Variants in KIAA0586 observed in about 807,000 individuals in gnomAD.
KIAA0586 encodes the protein protein TALPID3.
A neutral mutation model predicts 169.8 loss-of-function variants in KIAA0586; 144 were observed. That is an observed-to-expected ratio of 0.85 (90% confidence interval 0.74 to 0.97). The LOEUF (loss-of-function observed/expected upper bound fraction) is 0.97, where lower values mean the gene tolerates loss of function less well. KIAA0586 is among the 50% of genes least tolerant of loss of function. The pLI, the probability that KIAA0586 is intolerant of heterozygous loss-of-function variation, is 0.00. For synonymous variants in KIAA0586, 625 were observed against 612.4 expected, an observed-to-expected ratio of 1.02 and a Z score of -0.30; for missense variants, 1,854 against 1,823.0, an observed-to-expected ratio of 1.02 and a Z score of -0.31.
At chr14:58,440,703 A>C (rs1298560523) in intron 4 of KIAA0586, among the ~76,000 whole-genome samples, 1 of 152,238 alleles carries the variant, frequency 6.6e-6, no homozygotes. Context: ...TGGTGTTATC[A>C]ATCCCTCTTG....
rs2140853060 is a variant in KIAA0586 at position 58,458,459 on chromosome 14, T to C, written c.1584-14T>C. ...AAGTGCTAATTTAAGAAAATTCCTT[T>C]TTCTCTTTTATAGAGAGATGTCAGA... On this transcript the variant is annotated splice_polypyrimidine_tract_variant and intron_variant, in intron 11 of 30. Transcript: ENST00000652326. 1.4e-6 allele frequency: 2 copies of C among 1,465,136 alleles called. No homozygotes were observed. Among genetic ancestry groups the C allele is most frequent in the Non-Finnish European group, 9.3e-7 (1 of 1,072,598 alleles). 90.8% of individuals were successfully genotyped at this position (1,465,136 alleles called of 1,614,324 possible).
chr14:58,552,370 C>G (rs189331959), downstream of KIAA0586, among the ~76,000 whole-genome samples: 3 of 152,068 alleles, frequency 2.0e-5, no homozygotes, highest in African/African-American at 7.2e-5. Context: ...TTCTTCTTGT[C>G]CTGAAGTGTT....
At position 58,487,005 on chromosome 14, in the gene KIAA0586, A is replaced by G; in HGVS notation, c.3145-2A>G. 2 of 1,590,854 alleles carry G rather than the reference A, an allele frequency of 1.3e-6. No individual in the cohort carries two copies. Among genetic ancestry groups the G allele is most frequent in the Admixed American group, 1.8e-5 (1 of 54,214 alleles). On this transcript the variant is annotated splice_acceptor_variant, in intron 21 of 30. Coordinates refer to ENST00000652326, the MANE Select transcript of KIAA0586 (RefSeq NM_001329943.3). LOFTEE classifies it high-confidence loss of function. The stretch of plus-strand genomic sequence containing the variant: ...CAGTTTATCTTGTTTTATTTATTTT[A>G]GGCAAGAGTGTGCACCCCACTGCCT...
intron 29 of KIAA0586, chr14:58,520,877 T>G (rs892894200): frequency 6.2e-6 from 1 of 162,106 alleles, no homozygotes; most frequent in African/African-American, 2.4e-5. Context: ...ATTACTTTAT[T>G]TTTTTTTGTA....
At chr14:58,464,048 T>C (rs1288239441) in intron 14 of KIAA0586, 4 of 440,248 alleles carry the variant, frequency 9.1e-6, no homozygotes, top group Admixed American at 5.4e-5. Context: ...ATTGGGAGAA[T>C]TGATGATATG....
At chr14:58,511,109 A>T (rs2044353644) in intron 28 of KIAA0586, among the ~76,000 whole-genome samples, 3 of 152,162 alleles carry the variant, frequency 2.0e-5, no homozygotes, top group Admixed American at 2.0e-4. Flanking sequence ...GGACACTTTA[A>T]ATATGTGCAG....
At chr14:58,514,962 A>G (rs373832312) in intron 29 of KIAA0586, among the ~76,000 whole-genome samples, 1 of 152,180 alleles carries the variant, frequency 6.6e-6, no homozygotes, top group East Asian at 1.9e-4. Context: ...AAGTCAATTT[A>G]TTTGTCATGA....
chr14:58,447,180 G>A (rs553227050), intron 6 of KIAA0586, among the ~76,000 whole-genome samples: 1 of 152,160 alleles, frequency 6.6e-6, no homozygotes, highest in Non-Finnish European at 1.5e-5. Flanking sequence ...AATGAAATTA[G>A]TTGAGTCTGT....
intron 9 of KIAA0586, among the ~76,000 whole-genome samples, chr14:58,454,053 G>A (rs2039620155): frequency 6.6e-6 from 1 of 152,100 alleles, no homozygotes; most frequent in African/African-American, 2.4e-5. Context: ...TGATAAGGTA[G>A]GATTTGTGTC....
chr14:58,543,081 A>G (rs2046753451), intron 30 of KIAA0586, among the ~76,000 whole-genome samples: 3 of 151,458 alleles, frequency 2.0e-5, no homozygotes, highest in South Asian at 4.2e-4. Context: ...GCAGTGAGCC[A>G]AGATTGCGCC....
At chr14:58,532,054 G>C (rs1398382410) in intron 29 of KIAA0586, among the ~76,000 whole-genome samples, 1 of 152,026 alleles carries the variant, frequency 6.6e-6, no homozygotes, top group East Asian at 1.9e-4. Flanking sequence ...GGATAGGGGA[G>C]GGATAGCGTT....
intron 27 of KIAA0586, among the ~76,000 whole-genome samples, chr14:58,502,641 A>C (rs2043653988): frequency 6.6e-6 from 1 of 152,200 alleles, no homozygotes; most frequent in South Asian, 2.1e-4. Flanking sequence ...TGTATTTGAC[A>C]ATGCATGTAA....
At chr14:58,456,401 T>A (rs1200383650) in intron 9 of KIAA0586, among the ~76,000 whole-genome samples, 4 of 152,196 alleles carry the variant, frequency 2.6e-5, no homozygotes, top group Non-Finnish European at 4.4e-5. Flanking sequence ...AATTTCTTAC[T>A]CCACCAATCT....
Position 58,456,702 on chromosome 14 carries a change from A to G in KIAA0586, c.1254A>G (p.Arg418=). Residue 418 remains arginine, a splice_region_variant and synonymous_variant, in exon 10 of 31, where the codon AGA becomes AGG. Coordinates refer to ENST00000652326, the MANE Select transcript of KIAA0586 (RefSeq NM_001329943.3). Reference sequence around the variant, plus strand: ...GCGTTGAAACTCTACCTTCTCAAAGATTTCCTTCCTGTGAAGAGCTAGAAA... The same window carrying G: ...GCGTTGAAACTCTACCTTCTCAAAGGTTTCCTTCCTGTGAAGAGCTAGAAA... ...KIGWTPEKTN[R]FPSCEELETT... 1 of 1,568,952 alleles carries G rather than the reference A, an allele frequency of 6.4e-7. No homozygotes were observed. Among genetic ancestry groups the G allele is most frequent in the Non-Finnish European group, 8.7e-7 (1 of 1,149,150 alleles).
chr14:58,516,229 G>A (rs537214171), intron 29 of KIAA0586, among the ~76,000 whole-genome samples: 1 of 152,280 alleles, frequency 6.6e-6, no homozygotes, highest in Admixed American at 6.5e-5. Context: ...AAGGCAGAGA[G>A]TCTCTCTCAC....
intron 29 of KIAA0586, among the ~76,000 whole-genome samples, chr14:58,519,709 GAT>G (rs1451882328): frequency 6.6e-6 from 1 of 152,194 alleles, no homozygotes; most frequent in Non-Finnish European, 1.5e-5. Flanking sequence ...TTGTTTTTAA[GAT>G]ATGTTATCTG....
Position 58,508,315 on chromosome 14 carries a change from G to T in KIAA0586, c.4169-240G>T, listed in dbSNP as rs576991425. On this transcript the variant is annotated intron_variant, in intron 27 of 30. Transcript: ENST00000652326. ...AGATGAACTGCATGGGCAACTTGTT[G>T]ACTGGAACTTTACATAGAATATTCC... Among the ~76,000 whole-genome samples the T allele has an allele frequency of 1.4e-4, 22 of 152,352 alleles. No individual in the cohort carries two copies. The South Asian group carries it at 3.1e-3, about 22-fold the overall frequency.
At chr14:58,468,974 G>A (rs2040990224) in intron 16 of KIAA0586, among the ~76,000 whole-genome samples, 1 of 152,120 alleles carries the variant, frequency 6.6e-6, no homozygotes, top group Admixed American at 6.5e-5. Context: ...GATCACTGAG[G>A]AGAAGATAAT....
chr14:58,479,643 G>A (rs2041893127), intron 20 of KIAA0586, among the ~76,000 whole-genome samples: 1 of 152,068 alleles, frequency 6.6e-6, no homozygotes, highest in South Asian at 2.1e-4. Context: ...TCTAGAAGAT[G>A]TATGGTTTTA....
Sources: allele counts gnomAD v4.1 joint callset (sites outside exome capture counted in the v4.1 genomes callset), GRCh38; gene constraint gnomAD v4.1.1; transcripts MANE v1.5; gene names NCBI Gene and HGNC (gene_info 2026-07-23, HGNC 2026-07-21).